The following SAMMSON variants were observed in gnomAD, a reference collection of about 807,000 sequenced individuals.
SAMMSON encodes the protein survival associated mitochondrial melanoma specific oncogenic non-coding RNA, also known as long intergenic non-protein coding RNA 1212.
chr3:70,417,858 C>T (rs1242783702), intron 2 of SAMMSON, among the ~76,000 whole-genome samples: 1 of 152,104 alleles, frequency 6.6e-6, no homozygotes, highest in Admixed American at 6.6e-5. Flanking sequence ...GGGTCTTATG[C>T]CCCTTCTTTA....
chr3:70,253,769 A>T (rs896245422), intron 6 of SAMMSON, among the ~76,000 whole-genome samples: 2 of 152,216 alleles, frequency 1.3e-5, no homozygotes, highest in African/African-American at 4.8e-5. Context: ...TTTTATCCAG[A>T]TGTTGAAATC....
intron 1 of SAMMSON, among the ~76,000 whole-genome samples, chr3:70,004,278 T>C (rs747081558): frequency 5.9e-5 from 9 of 152,172 alleles, no homozygotes; most frequent in Non-Finnish European, 1.2e-4. Flanking sequence ...CCAAGACGTA[T>C]AAAACATTCT....
chr3:70,286,420 C>G (rs867404006), intron 6 of SAMMSON, among the ~76,000 whole-genome samples: 3,220 of 151,776 alleles, frequency 0.021, 39 homozygotes, highest in Non-Finnish European at 0.027. Flanking sequence ...TGATCTATAT[C>G]TCTGTTTTGG....
At chr3:70,381,841 T>A (rs1173359001) in intron 9 of SAMMSON, among the ~76,000 whole-genome samples, 1 of 152,078 alleles carries the variant, frequency 6.6e-6, no homozygotes, top group Non-Finnish European at 1.5e-5. Context: ...TTAAAAGACA[T>A]CAACAGCTAA....
At chr3:70,157,883 T>A (rs2067597922) in intron 4 of SAMMSON, among the ~76,000 whole-genome samples, 1 of 152,072 alleles carries the variant, frequency 6.6e-6, no homozygotes, top group Non-Finnish European at 1.5e-5. Context: ...CACTGATCAG[T>A]GGAAGAGTCA....
chr3:70,392,571 C>T (rs1701058661), downstream of SAMMSON, among the ~76,000 whole-genome samples: 1 of 152,028 alleles, frequency 6.6e-6, no homozygotes, highest in Non-Finnish European at 1.5e-5. Context: ...CACCACTAGC[C>T]CCACAGAGTC....
intron 9 of SAMMSON, among the ~76,000 whole-genome samples, chr3:70,379,563 C>CT (rs1370084663): frequency 1.3e-5 from 2 of 152,124 alleles, no homozygotes; most frequent in African/African-American, 4.8e-5. Context: ...AGAGGGTCCT[C>CT]TACTGGGCTG....
intron 4 of SAMMSON, among the ~76,000 whole-genome samples, chr3:70,178,258 G>T (rs1701023332): frequency 6.6e-6 from 1 of 152,148 alleles, no homozygotes; most frequent in African/African-American, 2.4e-5. Context: ...GTGGAGGAAG[G>T]AGGGGGCATT....
intron 4 of SAMMSON, among the ~76,000 whole-genome samples, chr3:70,153,856 TA>T (rs2067581344): frequency 6.6e-6 from 1 of 151,920 alleles, no homozygotes; most frequent in African/African-American, 2.4e-5. Context: ...CATTGAACAA[TA>T]ACTCCCCTTT....
intron 4 of SAMMSON, chr3:70,172,474 T>C (rs999740141): frequency 6.6e-6 from 1 of 151,924 alleles, no homozygotes; most frequent in Non-Finnish European, 1.5e-5. Flanking sequence ...GGGTAAAAAG[T>C]TCATTACACT....
At chr3:70,081,069 A>G (rs2067266094) in intron 4 of SAMMSON, among the ~76,000 whole-genome samples, 1 of 152,096 alleles carries the variant, frequency 6.6e-6, no homozygotes, top group Non-Finnish European at 1.5e-5. Flanking sequence ...GTCACCATCT[A>G]TCTCAGCACT....
intron 1 of SAMMSON, chr3:70,009,237 T>A (rs1408373198): frequency 6.6e-6 from 1 of 152,122 alleles, no homozygotes; most frequent in East Asian, 1.9e-4. Flanking sequence ...CTTGTACCTC[T>A]GGTAGAATTC....
chr3:70,162,495 G>A (rs1180763171), intron 4 of SAMMSON, among the ~76,000 whole-genome samples: 1 of 151,640 alleles, frequency 6.6e-6, no homozygotes, highest in Non-Finnish European at 1.5e-5. Context: ...TTTGATTGAA[G>A]AACATACTTT....
intron 2 of SAMMSON, among the ~76,000 whole-genome samples, chr3:70,411,810 A>G (rs1232606128): frequency 6.6e-6 from 1 of 152,124 alleles, no homozygotes; most frequent in Non-Finnish European, 1.5e-5. Context: ...GCCATGTGAA[A>G]CTGTGAGTCC....
chr3:70,005,120 G>A (rs922262000), intron 1 of SAMMSON, among the ~76,000 whole-genome samples: 2 of 152,036 alleles, frequency 1.3e-5, no homozygotes, highest in African/African-American at 4.8e-5. Context: ...TTCATTGAAG[G>A]GAAGAGATAA....
At chr3:70,167,223 A>C (rs1392444574) in intron 4 of SAMMSON, among the ~76,000 whole-genome samples, 1 of 152,000 alleles carries the variant, frequency 6.6e-6, no homozygotes, top group Non-Finnish European at 1.5e-5. Flanking sequence ...TGGAGAGTGA[A>C]GTTCTATATC....
At chr3:70,164,662 G>C (rs2067629560) in intron 4 of SAMMSON, among the ~76,000 whole-genome samples, 1 of 151,988 alleles carries the variant, frequency 6.6e-6, no homozygotes, top group Non-Finnish European at 1.5e-5. Context: ...CACTCACTCT[G>C]TGAGCTTGGA....
At chr3:70,069,517 C>G (rs1054992523) in intron 3 of SAMMSON, 4 of 152,112 alleles carry the variant, frequency 2.6e-5, no homozygotes, top group African/African-American at 9.7e-5. Flanking sequence ...ATCAATGATT[C>G]TCTTTTACAG....
intron 4 of SAMMSON, among the ~76,000 whole-genome samples, chr3:70,194,794 C>T (rs887765995): frequency 6.6e-6 from 1 of 152,120 alleles, no homozygotes; most frequent in Non-Finnish European, 1.5e-5. Flanking sequence ...ACCAATATGG[C>T]ATGGCCTCAC....
Sources: gnomAD v4.1 joint callset for allele counts (sites outside exome capture counted in the v4.1 genomes callset) on GRCh38, gnomAD v4.1.1 for gene constraint, MANE v1.5 for transcripts, NCBI Gene and HGNC (gene_info 2026-07-23, HGNC 2026-07-21) for gene names.